LRGUK: variants seen among roughly 807,000 people sequenced by gnomAD.
LRGUK encodes the protein leucine-rich repeat and guanylate kinase domain-containing protein.
In LRGUK, 65 loss-of-function variants were observed where a neutral mutation model predicts 76.0. The ratio of observed to expected loss-of-function variants is 0.85; its 90% CI spans 0.70 to 1.05. The LOEUF (loss-of-function observed/expected upper bound fraction) is 1.05. Ranked by LOEUF, LRGUK falls within the 50% of genes least tolerant of loss-of-function variation. The probability of loss-of-function intolerance (pLI) is 0.00; values close to 1 mark genes in which losing one functional copy is unlikely to be tolerated. For synonymous variants in LRGUK, 268 were observed against 265.6 expected (o/e 1.01, Z -0.09); for missense variants, 758 against 732.8 (o/e 1.03, Z -0.40).
chr7:134,137,139 G>C lies in LRGUK; in HGVS notation c.405+9G>C, dbSNP rs200833937. On this transcript the variant is annotated intron_variant, in intron 2 of 15. Transcript: ENST00000645682. ...TCAATCTAACTTTATCAGTGAGTAT[G>C]ACAAAATCTCCATTGGCTGGCTACA... 3.7e-4 allele frequency: 586 copies of C among 1,591,014 alleles called. 3 individuals are homozygous for C. The Middle Eastern group carries it at 9.1e-3, about 25-fold the overall frequency.
chr7:134,195,736 A>G (rs1209591491), intron 12 of LRGUK, among the ~76,000 whole-genome samples: 2 of 152,200 alleles, frequency 1.3e-5, no homozygotes, highest in African/African-American at 4.8e-5. Flanking sequence ...ACATATATAT[A>G]TATATAGAAA....
chr7:134,201,498 T>G (rs754961619), exon 15 of LRGUK: 16 of 1,613,788 alleles, frequency 9.9e-6, no homozygotes, highest in Non-Finnish European at 1.4e-5. Flanking sequence ...GGATGTTGCC[T>G]ACCAAAAACT....
intron 3 of LRGUK, among the ~76,000 whole-genome samples, chr7:134,142,526 C>G (rs1454173202): frequency 1.3e-5 from 2 of 152,168 alleles, no homozygotes; most frequent in East Asian, 3.8e-4. Flanking sequence ...AATCAAATAA[C>G]AGCAATGAGT....
intron 5 of LRGUK, among the ~76,000 whole-genome samples, chr7:134,155,485 T>C (rs958831140): frequency 1.3e-5 from 2 of 152,312 alleles, no homozygotes; most frequent in Non-Finnish European, 2.9e-5. Context: ...ACTGAAACCA[T>C]TGAGGAAAAC....
chr7:134,150,149 C>T (rs2116877479), intron 5 of LRGUK, among the ~76,000 whole-genome samples: 1 of 152,206 alleles, frequency 6.6e-6, no homozygotes, highest in African/African-American at 2.4e-5. Context: ...GTGGCGGGCA[C>T]CTGTAGTCCC....
At chr7:134,238,664 T>G (rs536074362) in intron 16 of LRGUK, among the ~76,000 whole-genome samples, 6 of 152,330 alleles carry the variant, frequency 3.9e-5, no homozygotes, top group Non-Finnish European at 7.3e-5. Context: ...GTCTTTCGTT[T>G]ATTCTGAATT....
downstream of LRGUK, chr7:134,210,380 G>A (rs1801203364): frequency 2.5e-6 from 1 of 397,588 alleles, no homozygotes; most frequent in South Asian, 1.4e-4. Context: ...ATTACAAGAA[G>A]ATTAAAAAAA....
At chr7:134,178,935 A>AAAAAAAAAAAAAAAACC (rs984857605) in intron 10 of LRGUK, among the ~76,000 whole-genome samples, 53 of 25,496 alleles carry the variant, frequency 2.1e-3, no homozygotes, top group African/African-American at 4.7e-3. Context: ...TCAAAAAAAA[A>AAAAAAAAAAAAAAAACC]AAAAAAAAAA....
At chr7:134,139,197 A>C (rs2116831243) in intron 2 of LRGUK, among the ~76,000 whole-genome samples, 1 of 152,088 alleles carries the variant, frequency 6.6e-6, no homozygotes, top group African/African-American at 2.4e-5. Context: ...TTCATGTTGT[A>C]TTTGTTTTTG....
chr7:134,205,183 T>A (rs780101717), intron 15 of LRGUK, among the ~76,000 whole-genome samples: 1 of 152,212 alleles, frequency 6.6e-6, no homozygotes, highest in Non-Finnish European at 1.5e-5. Flanking sequence ...TTTTCAATCC[T>A]CCCTGAGATT....
chr7:134,130,298 C>G (rs1797243572), intron 1 of LRGUK, among the ~76,000 whole-genome samples: 1 of 151,910 alleles, frequency 6.6e-6, no homozygotes, highest in African/African-American at 2.4e-5. Flanking sequence ...CCCCCCCCCC[C>G]CAGAGGAATT....
intron 4 of LRGUK, 139 bp from the exon 5 acceptor site, chr7:134,148,099 C>T (rs2116868961): frequency 2.0e-6 from 1 of 507,484 alleles, no homozygotes; most frequent in Non-Finnish European, 3.4e-6. Context: ...ACAGATGATT[C>T]TTTTAGCCTT....
At chr7:134,177,130 C>T in intron 9 of LRGUK, 67 bp downstream of exon 9, 1 of 896,952 alleles carries the variant, frequency 1.1e-6, no homozygotes. Context: ...CTCGTGTTGC[C>T]TGCTGTGGAA....
chr7:134,176,738 A>C (rs901825479), intron 8 of LRGUK, among the ~76,000 whole-genome samples: 2 of 152,218 alleles, frequency 1.3e-5, no homozygotes, highest in African/African-American at 4.8e-5. Flanking sequence ...GTTAATCTCA[A>C]ATCTCACAGG....
chr7:134,143,091 C>A (rs1302126785), exon 4 of LRGUK: 8 of 1,606,908 alleles, frequency 5.0e-6, no homozygotes, highest in African/African-American at 1.3e-5. Flanking sequence ...TATGCCTTAT[C>A]TCCTAGAACT....
chr7:134,226,323 T>G (rs1044785516), intron 16 of LRGUK, among the ~76,000 whole-genome samples: 2 of 151,480 alleles, frequency 1.3e-5, no homozygotes, highest in African/African-American at 4.9e-5. Flanking sequence ...ATTGCATTCT[T>G]TCTCTCCCGC....
intron 10 of LRGUK, 105 bp from the exon 11 acceptor site, chr7:134,183,629 A>G (rs968523100): frequency 5.6e-5 from 71 of 1,267,024 alleles, no homozygotes; most frequent in Non-Finnish European, 7.0e-5. Context: ...AGGGTCTTAT[A>G]TAGCAAGTGC....
intron 7 of LRGUK, among the ~76,000 whole-genome samples, chr7:134,168,368 A>AC (rs1799081342): frequency 1.3e-5 from 2 of 152,288 alleles, no homozygotes; most frequent in Non-Finnish European, 2.9e-5. Flanking sequence ...CCCATCTCTT[A>AC]TAAAAAAACA....
intron 10 of LRGUK, among the ~76,000 whole-genome samples, chr7:134,180,085 CA>C (rs1799674061): frequency 6.6e-6 from 1 of 152,174 alleles, no homozygotes. Flanking sequence ...TCTGATATGA[CA>C]AAGTTCTCCA....
Sources: allele counts gnomAD v4.1 joint callset (sites outside exome capture counted in the v4.1 genomes callset), GRCh38; gene constraint gnomAD v4.1.1; transcripts MANE v1.5; gene names NCBI Gene and HGNC (gene_info 2026-07-23, HGNC 2026-07-21).